CXADR: variants seen among roughly 807,000 people sequenced by gnomAD.
CXADR encodes the protein CXADR cell adhesion molecule.
Under a neutral mutation model 40.3 loss-of-function variants are expected in CXADR, and 20 were observed. The ratio of observed to expected loss-of-function variants is 0.50; its 90% confidence interval spans 0.35 to 0.72. CXADR has a LOEUF of 0.72. CXADR is among the 30% of genes least tolerant of loss of function. The probability of loss-of-function intolerance (pLI) is 0.01; values close to 1 mark genes in which losing one functional copy is unlikely to be tolerated. For synonymous variants in CXADR, 150 were observed against 161.3 expected (o/e 0.93, Z 0.53); for missense variants, 332 against 449.1 (o/e 0.74, Z 2.36).
chr21:17,597,936 A>G (rs1266457361), downstream of CXADR, among the ~76,000 whole-genome samples: 1 of 152,184 alleles, frequency 6.6e-6, no homozygotes, highest in African/African-American at 2.4e-5. Context: ...AAAAATAGAT[A>G]ACCTTTAAAA....
intron 1 of CXADR, among the ~76,000 whole-genome samples, chr21:17,537,449 T>C (rs2123202955): frequency 1.3e-5 from 2 of 152,340 alleles, no homozygotes; most frequent in Middle Eastern, 3.4e-3. Flanking sequence ...ATTGCTGTTT[T>C]ATTGTTACAA....
chr21:17,562,894 A>G (rs1352881541), intron 6 of CXADR, among the ~76,000 whole-genome samples: 2 of 152,180 alleles, frequency 1.3e-5, no homozygotes, highest in Non-Finnish European at 1.5e-5. Flanking sequence ...ATAGAATTGA[A>G]TAGAGTTAGG....
rs185995500 is a variant in CXADR, at chr21:17,555,232, C to T, written c.415+3279C>T. 2.1e-4 allele frequency among the ~76,000 whole-genome samples: 32 copies of T among 152,302 alleles called. No homozygotes were observed. In the East Asian group the frequency reaches 6.2e-3, roughly 29 times the overall value. ...TGAAGAGCAGAACATGCACAGTTAA[C>T]AATTCCTGGACATATATGGTATACT... On this transcript the variant is annotated intron_variant, in intron 3 of 6. Coordinates refer to ENST00000284878, the MANE Select transcript of CXADR (RefSeq NM_001338.5).
downstream of CXADR, chr21:17,593,976 T>C (rs2061469362): frequency 1.7e-6 from 2 of 1,200,440 alleles, no homozygotes; most frequent in Non-Finnish European, 1.1e-6. Flanking sequence ...AAAAATAAGT[T>C]TGATGGTTTG....
At chr21:17,595,973 G>A (rs2061498936), downstream of CXADR, among the ~76,000 whole-genome samples, 1 of 152,028 alleles carries the variant, frequency 6.6e-6, no homozygotes, top group East Asian at 1.9e-4. Context: ...TGCAGTTCTG[G>A]AAGAACTAGT....
chr21:17,576,519 T>C (rs1189897280), intron 7 of CXADR, among the ~76,000 whole-genome samples: 1 of 152,214 alleles, frequency 6.6e-6, no homozygotes, highest in African/African-American at 2.4e-5. Flanking sequence ...TCTTGTATTA[T>C]ACTAGTAATA....
intron 1 of CXADR, among the ~76,000 whole-genome samples, chr21:17,534,267 C>G (rs2060724637): frequency 6.6e-6 from 1 of 151,480 alleles, no homozygotes; most frequent in African/African-American, 2.4e-5. Flanking sequence ...CGGCTAGTTT[C>G]TGTATTTTTA....
intron 3 of CXADR, 59 bp downstream of exon 3, chr21:17,552,012 A>T (rs1336244538): frequency 7.9e-7 from 1 of 1,265,532 alleles, no homozygotes; most frequent in Non-Finnish European, 1.1e-6. Flanking sequence ...TAGTCATAGT[A>T]CTGTAGTAGC....
Position 17,560,678 on chromosome 21 carries a change from G to C in CXADR, c.572-24G>C, listed in dbSNP as rs79035835. 3,950 of 1,603,638 alleles carry C rather than the reference G, an allele frequency of 2.5e-3. 81 individuals carry two copies. In the African/African-American group the frequency reaches 0.043, roughly 18 times the overall value. On this transcript the variant is annotated intron_variant, in intron 4 of 6. Transcript: ENST00000284878. ...CAATACATACTATAAAAATGAGTTT[G>C]TTTTCTTTTTCCTCCTTCCATAGAA... is the stretch of plus-strand genomic sequence containing the variant.
chr21:17,553,198 C>G (rs2060991332), intron 3 of CXADR, among the ~76,000 whole-genome samples: 1 of 152,138 alleles, frequency 6.6e-6, no homozygotes, highest in African/African-American at 2.4e-5. Flanking sequence ...GCTGAGATTA[C>G]AAGAATACTC....
At chr21:17,553,223 G>A (rs79395519) in intron 3 of CXADR, among the ~76,000 whole-genome samples, 2,370 of 152,258 alleles carry the variant, frequency 0.016, 68 homozygotes, top group African/African-American at 0.053. Context: ...GGAGAGCAAT[G>A]TTCAAGATGA....
intron 6 of CXADR, among the ~76,000 whole-genome samples, chr21:17,561,791 T>C (rs1195869540): frequency 1.3e-5 from 2 of 152,114 alleles, no homozygotes; most frequent in African/African-American, 4.8e-5. Flanking sequence ...GATATTGAGG[T>C]TTGAAAAAAA....
Position 17,592,041 on chromosome 21 carries a change from TA to T in CXADR, c.1018-1109del, listed in dbSNP as rs140973395. Among the ~76,000 whole-genome samples the T allele has an allele frequency of 6.4e-3, 967 of 152,098 alleles. 58 individuals carry two copies. In the East Asian group the frequency reaches 0.13, roughly 21 times the overall value. On this transcript the variant is annotated intron_variant, in intron 7 of 7. Coordinates refer to the CXADR transcript ENST00000400169. ...CACTGGCAGAATCTTCTATGAGTAA[TA>T]ACATCTACCTGTATGCAGTTGAATT...
At chr21:17,540,252 T>C (rs2060810258) in intron 1 of CXADR, among the ~76,000 whole-genome samples, 1 of 152,184 alleles carries the variant, frequency 6.6e-6, no homozygotes, top group African/African-American at 2.4e-5. Context: ...TACAGTCACA[T>C]AGGAGGTCAG....
At chr21:17,562,358 G>A (rs2061135512) in intron 6 of CXADR, among the ~76,000 whole-genome samples, 1 of 152,294 alleles carries the variant, frequency 6.6e-6, no homozygotes, top group South Asian at 2.1e-4. Context: ...CTCGCTCTCT[G>A]TTGCCCAGGC....
chr21:17,530,566 C>A, intron 1 of CXADR: 1 of 320,612 alleles, frequency 3.1e-6, no homozygotes, highest in South Asian at 2.5e-5. Flanking sequence ...GTAATCCCAG[C>A]ACTTCGAGAG....
At position 17,569,350 on chromosome 21, in the gene CXADR, C is replaced by G. The variant is rs1288569265; in HGVS notation, c.*3658C>G. Reference sequence around the variant, plus strand: ...TGGCACAATTTTAACTTCTTAGTGGCTTGTGACATTATATATTATATATAT... The same window carrying G: ...TGGCACAATTTTAACTTCTTAGTGGGTTGTGACATTATATATTATATATAT... On this transcript the variant is annotated 3_prime_UTR_variant, in exon 7 of 7. Coordinates refer to ENST00000284878, the MANE Select transcript of CXADR (RefSeq NM_001338.5). 2.0e-6 allele frequency: 2 copies of G among 981,352 alleles called. No homozygotes were observed. Among genetic ancestry groups the G allele is most frequent in the Non-Finnish European group, 2.4e-6 (2 of 828,642 alleles). 60.8% of individuals were successfully genotyped at this position (981,352 alleles called of 1,614,324 possible).
intron 7 of CXADR, among the ~76,000 whole-genome samples, chr21:17,582,209 A>G (rs1280849608): frequency 1.3e-5 from 2 of 152,130 alleles, no homozygotes; most frequent in African/African-American, 4.8e-5. Flanking sequence ...ACAAGGTTTC[A>G]CCATGTAGGC....
At chr21:17,584,057 T>C (rs2061378186) in intron 7 of CXADR, among the ~76,000 whole-genome samples, 1 of 152,252 alleles carries the variant, frequency 6.6e-6, no homozygotes, top group Admixed American at 6.5e-5. Context: ...TGTGTGTATG[T>C]GTATGCAATC....
Sources: allele counts gnomAD v4.1 joint callset (sites outside exome capture counted in the v4.1 genomes callset), GRCh38; gene constraint gnomAD v4.1.1; transcripts MANE v1.5; gene names NCBI Gene and HGNC (gene_info 2026-07-23, HGNC 2026-07-21).